Variants in GPR33 observed in about 807,000 individuals in gnomAD.
GPR33 encodes G protein-coupled receptor 33.
In GPR33, 4 loss-of-function variants were observed where a neutral mutation model predicts 3.1. The observed-to-expected ratio is 1.29, with a 90% CI of 0.64 to 2.96. The LOEUF is 2.96. Among genes scored for constraint, GPR33 ranks in the 30% most tolerant of loss-of-function variants. GPR33 has a pLI of 0.01. For synonymous variants in GPR33, 138 were observed against 142.0 expected (o/e 0.97, Z 0.20); for missense variants, 390 against 388.9 (o/e 1.00, Z -0.02).
chr14:31,485,737 C>A (rs1393706960), intron 1 of GPR33, among the ~76,000 whole-genome samples: 1 of 152,040 alleles, frequency 6.6e-6, no homozygotes, highest in Non-Finnish European at 1.5e-5. Flanking sequence ...CATGTCTTAT[C>A]CATCAATATT....
At position 31,483,493 on chromosome 14, in the gene GPR33, G is replaced by T. The variant is rs1197465229; in HGVS notation, c.473C>A (p.Ala158Asp). 5.2e-6 allele frequency: 8 copies of T among 1,536,142 alleles called. No homozygotes were observed. The highest frequency in any genetic ancestry group is 1.7e-4 in the Middle Eastern group (1 of 5,990). ...IVLGVWISAA[A>D]LSIPYLIFRE... ...GAAAATCAAATAGGGGATGCTGAGGGCAGCGGCTGAAATCCAGACTCCCAG... is the reference window on the plus strand; with the variant it reads ...GAAAATCAAATAGGGGATGCTGAGGTCAGCGGCTGAAATCCAGACTCCCAG... The change falls in exon 2 of 2, where the codon GCC becomes GAC. Residue 158 changes from alanine (A) to aspartate (D), a missense_variant. Transcript: ENST00000399285.
chr14:31,486,299 G>C (rs1352194136), intron 1 of GPR33, among the ~76,000 whole-genome samples: 1 of 151,992 alleles, frequency 6.6e-6, no homozygotes, highest in Non-Finnish European at 1.5e-5. Flanking sequence ...GGGTCTTGCT[G>C]TGATACCCAG....
Position 31,483,356 on chromosome 14 carries a change from C to T in GPR33, c.610G>A (p.Ala204Thr). 1.3e-6 allele frequency: 2 copies of T among 1,536,146 alleles called. No individual in the cohort carries two copies. Among genetic ancestry groups the T allele is most frequent in the East Asian group, 2.4e-5 (1 of 40,928 alleles). Residue 204 changes from alanine (A) to threonine (T), a missense_variant, in exon 2 of 2, where the codon GCC becomes ACC. Ala to Thr is a moderately conservative substitution (Grantham distance 58). Transcript: ENST00000399285. The part of the protein sequence containing the change: ...MQASRQWIHV[A>T]CFISRFLLGF... ...AGCAAGAAGCGGCTGATGAAACAGG[C>T]CACATGAATCCACTGCCTTGATGCT...
At chr14:31,484,078 A>C in intron 1 of GPR33, 107 bp from the exon 2 acceptor site, 3 of 895,182 alleles carry the variant, frequency 3.4e-6, no homozygotes, top group Non-Finnish European at 4.9e-6. Context: ...TCTAGTCCAA[A>C]TGATAATATT....
chr14:31,484,947 T>C (rs1441241908), intron 1 of GPR33, among the ~76,000 whole-genome samples: 1 of 152,030 alleles, frequency 6.6e-6, no homozygotes, highest in East Asian at 1.9e-4. Context: ...TAATTTTTTT[T>C]TTTTTTGAGT....
chr14:31,483,359 C>CATGA lies in GPR33; in HGVS notation c.603_606dup (p.Val203SerfsTer25). 6.5e-7 allele frequency: 1 copy of CATGA among 1,536,134 alleles called. No individual in the cohort carries two copies. Among genetic ancestry groups the CATGA allele is most frequent in the South Asian group, 1.2e-5 (1 of 84,050 alleles). On this transcript the variant is annotated frameshift_variant, in exon 2 of 2. Coordinates refer to ENST00000399285, the MANE Select transcript of GPR33 (RefSeq NM_001197184.3). LOFTEE classifies it high-confidence loss of function. ...AAGAAGCGGCTGATGAAACAGGCCACATGAATCCACTGCCTTGATGCTTGC... is the reference window on the plus strand; with the variant it reads ...AAGAAGCGGCTGATGAAACAGGCCACATGAATGAATCCACTGCCTTGATGCTTGC...
Position 31,482,993 on chromosome 14 carries a change from C to A in GPR33, c.973G>T (p.Asp325Tyr). 1 of 1,525,180 alleles carries A rather than the reference C, an allele frequency of 6.6e-7. No individual in the cohort carries two copies. The highest frequency in any genetic ancestry group is 8.7e-7 in the Non-Finnish European group (1 of 1,143,630). The allele number at this position is 1,525,180 out of a possible 1,614,324, so 94.5% of individuals were successfully genotyped here. The change falls in exon 2 of 2, where the codon GAT (aspartate) becomes TAT (tyrosine). Residue 325 changes from aspartate to tyrosine, a missense_variant. Transcript: ENST00000399285. ...GTTTGTGTCCTTTCTACAGAAGAAT[C>A]TTCACTAAATGTTGACTCAAACAGA... is the stretch of plus-strand genomic sequence containing the variant. ...LALFESTFSE[D>Y]SSVERTQT
chr14:31,483,139 A>G lies in GPR33; in HGVS notation c.827T>C (p.Leu276Pro). 1 of 1,536,110 alleles carries G rather than the reference A, an allele frequency of 6.5e-7. No homozygotes were observed. The highest frequency in any genetic ancestry group is 1.2e-5 in the South Asian group (1 of 84,058). ...GLLLTTNQSL[L>P]LELTLILTVL... Reference sequence around the variant, plus strand: ...TGTAAGTATCAAAGTCAACTCTAAAAGTAGTGACTGGTTCGTAGTGAGAAG... The same window carrying G: ...TGTAAGTATCAAAGTCAACTCTAAAGGTAGTGACTGGTTCGTAGTGAGAAG... Residue 276 changes from leucine to proline, a missense_variant, in exon 2 of 2, where the codon CTT becomes CCT. Physicochemically the swap from Leu to Pro is moderately conservative, Grantham distance 98 (BLOSUM62 -3). Transcript: ENST00000399285.
Position 31,483,159 on chromosome 14 carries a change from G to A in GPR33, c.807C>T (p.Leu269=). ...MPYHIHQGLL[L]TTNQSLLLEL... ...CTAAAAGTAGTGACTGGTTCGTAGT[G>A]AGAAGTAAGCCCTGGTGTATATGGT... Residue 269 remains leucine (L), a synonymous_variant, in exon 2 of 2, where the codon CTC becomes CTT. Coordinates refer to ENST00000399285, the MANE Select transcript of GPR33 (RefSeq NM_001197184.3). The A allele has an allele frequency of 6.5e-7, 1 of 1,536,076 alleles. No homozygotes were observed. The highest frequency in any genetic ancestry group is 1.2e-5 in the South Asian group (1 of 84,056).
rs1254001932 is a variant in GPR33 at position 31,483,155 on chromosome 14, T to C, written c.811A>G (p.Thr271Ala). Reference protein sequence around the residue: ...YHIHQGLLLTTNQSLLLELTL... With the variant: ...YHIHQGLLLTANQSLLLELTL... Reference sequence around the variant, plus strand: ...AACTCTAAAAGTAGTGACTGGTTCGTAGTGAGAAGTAAGCCCTGGTGTATA... The same window carrying C: ...AACTCTAAAAGTAGTGACTGGTTCGCAGTGAGAAGTAAGCCCTGGTGTATA... Residue 271 changes from threonine (T) to alanine (A), a missense_variant, in exon 2 of 2, where the codon ACG becomes GCG. Thr to Ala is a moderately conservative substitution (Grantham distance 58). Transcript: ENST00000399285. The C allele has an allele frequency of 6.5e-7, 1 of 1,536,074 alleles. No individual in the cohort carries two copies. The highest frequency in any genetic ancestry group is 8.7e-7 in the Non-Finnish European group (1 of 1,146,870).
At chr14:31,487,833 T>C (rs999004407) in intron 1 of GPR33, 64 bp downstream of exon 1, 1 of 152,246 alleles carries the variant, frequency 6.6e-6, no homozygotes, top group Admixed American at 6.5e-5. Context: ...TAATGTGCAA[T>C]AAGCCTAGAG....
At chr14:31,487,446 T>TG (rs1489327625) in intron 1 of GPR33, among the ~76,000 whole-genome samples, 2 of 135,632 alleles carry the variant, frequency 1.5e-5, no homozygotes, top group Non-Finnish European at 3.1e-5. Flanking sequence ...TTTTTTTTTT[T>TG]TTTTTTTTTT....
chr14:31,483,273 C>A lies in GPR33; in HGVS notation c.693G>T (p.Lys231Asn). 1 of 1,536,116 alleles carries A rather than the reference C, an allele frequency of 6.5e-7. No individual in the cohort carries two copies. Among genetic ancestry groups the A allele is most frequent in the Non-Finnish European group, 8.7e-7 (1 of 1,146,916 alleles). The change falls in exon 2 of 2, where the codon AAG becomes AAT. Residue 231 changes from lysine to asparagine, a missense_variant. By Grantham distance (94) the Lys-to-Asn change is moderately conservative. Coordinates refer to ENST00000399285, the MANE Select transcript of GPR33 (RefSeq NM_001197184.3). ...IIFCYERVASKVKERSLFKSS... is the reference protein window; with the variant it reads ...IIFCYERVASNVKERSLFKSS... ...ATTTAAACAGGCTCCTCTCTTTCAC[C>A]TTGCTGGCTACTCTTTCATAACAAA...
chr14:31,487,062 A>G (rs1282583549), intron 1 of GPR33, among the ~76,000 whole-genome samples: 1 of 152,050 alleles, frequency 6.6e-6, no homozygotes, highest in Non-Finnish European at 1.5e-5. Context: ...ATGTGTGTGC[A>G]TATGAGAAAC....
At position 31,483,004 on chromosome 14, in the gene GPR33, G is replaced by A. The variant is rs748626275; in HGVS notation, c.962C>T (p.Thr321Ile). 17 of 1,530,318 alleles carry A rather than the reference G, an allele frequency of 1.1e-5. No individual in the cohort carries two copies. The highest frequency in any genetic ancestry group is 1.4e-5 in the Non-Finnish European group (16 of 1,145,266). 94.8% of individuals were successfully genotyped at this position (1,530,318 alleles called of 1,614,324 possible). The change falls in exon 2 of 2, where the codon ACA (threonine) becomes ATA (isoleucine). Residue 321 changes from threonine to isoleucine, a missense_variant. By Grantham distance (89) the Thr-to-Ile change is moderately conservative (BLOSUM62 -1). Transcript: ENST00000399285. ...KKSILALFESTFSEDSSVERT... is the reference protein window; with the variant it reads ...KKSILALFESIFSEDSSVERT... ...TTCTACAGAAGAATCTTCACTAAATGTTGACTCAAACAGAGCAAGAATGGA... is the reference window on the plus strand; with the variant it reads ...TTCTACAGAAGAATCTTCACTAAATATTGACTCAAACAGAGCAAGAATGGA...
Position 31,483,175 on chromosome 14 carries a change from T to G in GPR33, c.791A>C (p.His264Pro). 2 of 1,536,044 alleles carry G rather than the reference T, an allele frequency of 1.3e-6. No homozygotes were observed. Among genetic ancestry groups the G allele is most frequent in the Middle Eastern group, 3.3e-4 (2 of 5,988 alleles). ...GTTCGTAGTGAGAAGTAAGCCCTGG[T>G]GTATATGGTAGGGCATCCAACACAC... ...FFVCWMPYHI[H>P]QGLLLTTNQS... Residue 264 changes from histidine to proline, a missense_variant, in exon 2 of 2, where the codon CAC (histidine) becomes CCC (proline). Transcript: ENST00000399285.
At chr14:31,487,441 T>TTG (rs1566804727) in intron 1 of GPR33, among the ~76,000 whole-genome samples, 3 of 132,208 alleles carry the variant, frequency 2.3e-5, no homozygotes, top group African/African-American at 8.9e-5. Flanking sequence ...AGTTTTTTTT[T>TTG]TTTTTTTTTT....
rs17097923 is a variant in GPR33, at chr14:31,484,875, G to A, written c.-6-904C>T. Among the ~76,000 whole-genome samples, 1,417 of 151,980 alleles carry A rather than the reference G, an allele frequency of 9.3e-3. 20 individuals are homozygous for A. Among genetic ancestry groups the A allele is most frequent in the East Asian group, 0.066 (339 of 5,172 alleles). On this transcript the variant is annotated intron_variant, in intron 1 of 1. Coordinates refer to ENST00000399285, the MANE Select transcript of GPR33 (RefSeq NM_001197184.3). ...ATTCATATGGGAGCTGTAAGCCACT[G>A]CAAGATTGTGAAGTACCTTCAGAAT...
rs755459931 is a variant in GPR33, at chr14:31,483,259, C to T, written c.707G>A (p.Ser236Asn). ...GAAGGGCTTGCTGGATTTAAACAGG[C>T]TCCTCTCTTTCACCTTGCTGGCTAC... Reference protein sequence around the residue: ...ERVASKVKERSLFKSSKPFKV... With the variant: ...ERVASKVKERNLFKSSKPFKV... The change falls in exon 2 of 2, where the codon AGC becomes AAC. Residue 236 changes from serine (S) to asparagine (N), a missense_variant. Physicochemically the swap from Ser to Asn is conservative, Grantham distance 46. Transcript: ENST00000399285. 1.8e-5 allele frequency: 28 copies of T among 1,535,986 alleles called. No individual in the cohort carries two copies. The South Asian group carries it at 3.3e-4, about 18-fold the overall frequency.
Sources: gnomAD v4.1 joint callset for allele counts (sites outside exome capture counted in the v4.1 genomes callset) on GRCh38, gnomAD v4.1.1 for gene constraint, MANE v1.5 for transcripts, NCBI Gene and HGNC (gene_info 2026-07-23, HGNC 2026-07-21) for gene names.